Variants in PPP2R2B observed in about 807,000 individuals in gnomAD.
PPP2R2B encodes serine/threonine-protein phosphatase 2A 55 kDa regulatory subunit B beta isoform.
In PPP2R2B, 5 loss-of-function variants were observed where a neutral mutation model predicts 46.0. That is an observed-to-expected ratio of 0.11 (90% confidence interval 0.06 to 0.23). The LOEUF is 0.23. Ranked by LOEUF, PPP2R2B falls within the 10% of genes least tolerant of loss-of-function variation. PPP2R2B has a pLI of 1.00. For synonymous variants in PPP2R2B, 215 were observed against 206.7 expected, an observed-to-expected ratio of 1.04 and a Z score of -0.34; for missense variants, 367 against 575.0, an observed-to-expected ratio of 0.64 and a Z score of 3.70.
chr5:146,695,742 C>T (rs963531827), intron 4 of PPP2R2B, among the ~76,000 whole-genome samples: 8 of 152,240 alleles, frequency 5.3e-5, no homozygotes, highest in East Asian at 3.9e-4. Flanking sequence ...AGTTTATCAT[C>T]GCTTGTGGCA....
In PPP2R2B at chr5:146,660,175, C is replaced by T. The variant is rs566792608; in HGVS notation, c.448-9451G>A. Among the ~76,000 whole-genome samples, 19 of 152,076 alleles carry T rather than the reference C, an allele frequency of 1.2e-4. 1 individual carries two copies. Among genetic ancestry groups the T allele is most frequent in the South Asian group, 1.2e-3 (6 of 4,822 alleles). On this transcript the variant is annotated intron_variant, in intron 5 of 9. Transcript: ENST00000394411. ...GGGGCAGAGTCTGGCATTGTGTGTA[C>T]CCATTATTGAAGGGTAATTCAGTGT... is the stretch of plus-strand genomic sequence containing the variant.
At chr5:146,923,471 G>A (rs887937378) in intron 1 of PPP2R2B, among the ~76,000 whole-genome samples, 2 of 152,146 alleles carry the variant, frequency 1.3e-5, no homozygotes, top group African/African-American at 2.4e-5. Context: ...ATGAAAACAC[G>A]ATAAGATCAT....
chr5:146,931,326 T>C (rs1014773877), intron 1 of PPP2R2B, among the ~76,000 whole-genome samples: 1 of 152,154 alleles, frequency 6.6e-6, no homozygotes, highest in African/African-American at 2.4e-5. Flanking sequence ...GGTAAGAAGA[T>C]TGCTGACCTC....
chr5:146,678,266 A>G (rs1777884775), intron 5 of PPP2R2B, among the ~76,000 whole-genome samples: 1 of 151,820 alleles, frequency 6.6e-6, no homozygotes, highest in Non-Finnish European at 1.5e-5. Context: ...GTAATCCAGC[A>G]TATAAACAGA....
chr5:146,643,585 CAG>C (rs1300397208), intron 6 of PPP2R2B, among the ~76,000 whole-genome samples: 1 of 152,014 alleles, frequency 6.6e-6, no homozygotes, highest in Non-Finnish European at 1.5e-5. Context: ...TTTGGGGACT[CAG>C]GGGGAAAGGG....
intron 1 of PPP2R2B, among the ~76,000 whole-genome samples, chr5:147,051,651 C>A (rs1206220470): frequency 6.6e-6 from 1 of 150,808 alleles, no homozygotes. Flanking sequence ...TCTTAGATAA[C>A]AATAACAGGC....
chr5:147,032,520 TC>T (rs367598517), intron 1 of PPP2R2B, among the ~76,000 whole-genome samples: 58 of 151,746 alleles, frequency 3.8e-4, no homozygotes, highest in Middle Eastern at 3.4e-3. Context: ...TCTCCCTCTT[TC>T]CCCCGAGTCC....
At chr5:146,814,521 C>A (rs114637824) in intron 2 of PPP2R2B, among the ~76,000 whole-genome samples, 95 of 152,270 alleles carry the variant, frequency 6.2e-4, no homozygotes, top group African/African-American at 2.2e-3. Context: ...GAAAGTCTCC[C>A]AACAGACAGA....
intron 2 of PPP2R2B, among the ~76,000 whole-genome samples, chr5:146,710,634 T>A (rs964007718): frequency 6.6e-6 from 1 of 152,238 alleles, no homozygotes; most frequent in Admixed American, 6.5e-5. Context: ...GTCAAGGTGT[T>A]TACCATCTGT....
At chr5:147,044,479 T>C (rs1756461602) in intron 1 of PPP2R2B, among the ~76,000 whole-genome samples, 1 of 152,204 alleles carries the variant, frequency 6.6e-6, no homozygotes, top group South Asian at 2.1e-4. Flanking sequence ...AGCTCTGTTT[T>C]CCTTGCATAA....
chr5:146,664,017 T>G (rs926409879), intron 5 of PPP2R2B, among the ~76,000 whole-genome samples: 4 of 151,828 alleles, frequency 2.6e-5, no homozygotes, highest in Non-Finnish European at 5.9e-5. Context: ...AATTTTTGTA[T>G]TTTTAGTAGA....
At chr5:146,829,435 G>A (rs1347619179) in intron 2 of PPP2R2B, among the ~76,000 whole-genome samples, 3 of 152,144 alleles carry the variant, frequency 2.0e-5, no homozygotes, top group Non-Finnish European at 4.4e-5. Flanking sequence ...ATGGGTAAGT[G>A]TTCAGCATAT....
chr5:146,661,767 AT>A (rs545220948), intron 5 of PPP2R2B, among the ~76,000 whole-genome samples: 193 of 152,152 alleles, frequency 1.3e-3, no homozygotes, highest in African/African-American at 4.4e-3. Flanking sequence ...GTTTTATCTT[AT>A]TTTTTCCCCA....
chr5:146,709,174 T>C (rs1347152747), intron 2 of PPP2R2B, among the ~76,000 whole-genome samples: 1 of 152,242 alleles, frequency 6.6e-6, no homozygotes, highest in Admixed American at 6.5e-5. Context: ...AACCTGGTGC[T>C]GGTTTACCTC....
upstream of PPP2R2B, among the ~76,000 whole-genome samples, chr5:147,057,759 T>C (rs182036993): frequency 1.1e-3 from 173 of 152,022 alleles, no homozygotes; most frequent in African/African-American, 4.1e-3. Flanking sequence ...TTAAGAGGAG[T>C]GAGGCTGCAG....
intron 1 of PPP2R2B, among the ~76,000 whole-genome samples, chr5:147,011,974 G>C (rs1425029361): frequency 7.0e-6 from 1 of 142,904 alleles, no homozygotes. Flanking sequence ...GCTGGATTCG[G>C]TTTGCCAGTA....
intron 2 of PPP2R2B, among the ~76,000 whole-genome samples, chr5:146,752,925 G>A (rs1447714365): frequency 6.6e-6 from 1 of 152,202 alleles, no homozygotes; most frequent in Non-Finnish European, 1.5e-5. Context: ...TCACTTCGGG[G>A]AACACAGGTG....
chr5:147,031,844 T>C (rs892716848), intron 1 of PPP2R2B, among the ~76,000 whole-genome samples: 1 of 152,116 alleles, frequency 6.6e-6, no homozygotes, highest in South Asian at 2.1e-4. Flanking sequence ...CCTAGCCACA[T>C]GTAGGATAAT....
At chr5:146,630,111 G>C (rs1388364936) in intron 7 of PPP2R2B, among the ~76,000 whole-genome samples, 1 of 152,166 alleles carries the variant, frequency 6.6e-6, no homozygotes, top group African/African-American at 2.4e-5. Context: ...CACCATGCCT[G>C]GCTGTGGCCT....
Sources: allele counts gnomAD v4.1 joint callset (sites outside exome capture counted in the v4.1 genomes callset), GRCh38; gene constraint gnomAD v4.1.1; transcripts MANE v1.5; gene names NCBI Gene and HGNC (gene_info 2026-07-23, HGNC 2026-07-21).